Variants in REDIC1 observed in about 807,000 individuals in gnomAD.
REDIC1 encodes the protein HEI10 Interacting Protein 1.
At chr12:39,754,221 G>C in the REDIC1 span, 1 of 152,086 alleles carries the variant, frequency 6.6e-6, no homozygotes, top group Non-Finnish European at 1.5e-5. Flanking sequence ...TTAAGTTTTA[G>C]TACCTGGAAA....
chr12:39,789,265 T>C, the REDIC1 span, among the ~76,000 whole-genome samples: 1 of 151,850 alleles, frequency 6.6e-6, no homozygotes, highest in African/African-American at 2.4e-5. Context: ...TAAAAATACA[T>C]ATCACTTGGT....
At chr12:39,697,074 ACTC>A in the REDIC1 span, among the ~76,000 whole-genome samples, 1,249 of 152,282 alleles carry the variant, frequency 8.2e-3, 16 homozygotes, top group African/African-American at 0.029. Flanking sequence ...CATTTAATAA[ACTC>A]CTAAAGATCA....
At chr12:39,648,641 G>A in the REDIC1 span, among the ~76,000 whole-genome samples, 1 of 151,266 alleles carries the variant, frequency 6.6e-6, no homozygotes, top group African/African-American at 2.4e-5. Flanking sequence ...ATGGTAATGA[G>A]GAGAATGCTT....
chr12:39,713,702 C>G, the REDIC1 span, among the ~76,000 whole-genome samples: 3 of 144,406 alleles, frequency 2.1e-5, no homozygotes, highest in East Asian at 3.9e-4. Context: ...TGCGTATATA[C>G]ATATTTATGT....
At chr12:39,751,936 A>C in the REDIC1 span, among the ~76,000 whole-genome samples, 2 of 152,218 alleles carry the variant, frequency 1.3e-5, no homozygotes, top group Non-Finnish European at 2.9e-5. Context: ...AAGCATTAGG[A>C]GATATACCTA....
the REDIC1 span, among the ~76,000 whole-genome samples, chr12:39,663,583 G>T: frequency 1.3e-5 from 2 of 151,912 alleles, no homozygotes; most frequent in Non-Finnish European, 2.9e-5. Context: ...TACATTCAAG[G>T]TTACTCTTGA....
At chr12:39,853,047 G>A in the REDIC1 span, among the ~76,000 whole-genome samples, 1 of 152,126 alleles carries the variant, frequency 6.6e-6, no homozygotes, top group African/African-American at 2.4e-5. Context: ...CTGTGCTTTT[G>A]TTGTTTCATT....
chr12:39,900,278 C>A, the REDIC1 span, among the ~76,000 whole-genome samples: 1,780 of 152,202 alleles, frequency 0.012, 27 homozygotes, highest in African/African-American at 0.039. Context: ...TGAAAACTGG[C>A]ACAAGACAGG....
the REDIC1 span, among the ~76,000 whole-genome samples, chr12:39,741,761 T>A: frequency 6.6e-6 from 1 of 152,060 alleles, no homozygotes; most frequent in Non-Finnish European, 1.5e-5. Flanking sequence ...TATAGGCAGG[T>A]TTCCAGATTC....
At chr12:39,712,985 G>A in the REDIC1 span, among the ~76,000 whole-genome samples, 213 of 4,090 alleles carry the variant, frequency 0.052, 1 homozygote, top group African/African-American at 0.14. Context: ...ATATATACAT[G>A]TGTATATACG....
At chr12:39,672,871 G>A in the REDIC1 span, among the ~76,000 whole-genome samples, 1 of 152,122 alleles carries the variant, frequency 6.6e-6, no homozygotes, top group African/African-American at 2.4e-5. Context: ...GCTATCAAAT[G>A]ATGCCCTGAA....
At chr12:39,682,124 C>T in the REDIC1 span, among the ~76,000 whole-genome samples, 1 of 151,916 alleles carries the variant, frequency 6.6e-6, no homozygotes, top group Non-Finnish European at 1.5e-5. Context: ...ATTGCTCTTC[C>T]TTGGGAACTT....
chr12:39,864,531 G>C, the REDIC1 span, among the ~76,000 whole-genome samples: 2 of 152,058 alleles, frequency 1.3e-5, no homozygotes, highest in Non-Finnish European at 2.9e-5. Flanking sequence ...ACATCACCAA[G>C]ATTGTGTCTA....
At chr12:39,871,219 G>T in the REDIC1 span, among the ~76,000 whole-genome samples, 1 of 151,684 alleles carries the variant, frequency 6.6e-6, no homozygotes, top group Non-Finnish European at 1.5e-5. Flanking sequence ...AAAGATACTT[G>T]GGAATTAAAA....
At chr12:39,856,104 A>T in the REDIC1 span, among the ~76,000 whole-genome samples, 1 of 152,230 alleles carries the variant, frequency 6.6e-6, no homozygotes, top group Non-Finnish European at 1.5e-5. Context: ...CAACTCTTGG[A>T]TAGCAACAAG....
At chr12:39,825,876 T>C in the REDIC1 span, among the ~76,000 whole-genome samples, 4 of 152,150 alleles carry the variant, frequency 2.6e-5, no homozygotes, top group African/African-American at 9.6e-5. Flanking sequence ...TGTTTAGTTA[T>C]TAATTTTAAC....
At chr12:39,759,182 C>CT in the REDIC1 span, 1 of 152,476 alleles carries the variant, frequency 6.6e-6, no homozygotes, top group Non-Finnish European at 1.5e-5. Context: ...AGTTAAAGAT[C>CT]TGGCACTATT....
At chr12:39,724,726 A>T in the REDIC1 span, among the ~76,000 whole-genome samples, 8 of 152,132 alleles carry the variant, frequency 5.3e-5, no homozygotes, top group African/African-American at 1.9e-4. Context: ...TCTGCTGAAA[A>T]TTTAATATGT....
At chr12:39,789,521 A>G in the REDIC1 span, among the ~76,000 whole-genome samples, 172 of 152,294 alleles carry the variant, frequency 1.1e-3, 2 homozygotes, top group African/African-American at 3.8e-3. Flanking sequence ...ACATATCTCC[A>G]GGTACATGTG....
Sources: allele counts gnomAD v4.1 joint callset (sites outside exome capture counted in the v4.1 genomes callset), GRCh38; gene constraint gnomAD v4.1.1; transcripts MANE v1.5; gene names NCBI Gene and HGNC (gene_info 2026-07-23, HGNC 2026-07-21).